STAU2: variants seen among roughly 807,000 people sequenced by gnomAD.
STAU2 encodes the protein staufen double-stranded RNA binding protein 2, also known as double-stranded RNA-binding protein Staufen homolog 2.
STAU2 carries 20 observed loss-of-function variants against 65.9 expected under a neutral mutation model. The ratio of observed to expected loss-of-function variants is 0.30; its 90% CI spans 0.21 to 0.44. The LOEUF (loss-of-function observed/expected upper bound fraction) is 0.44. Among genes scored for constraint, STAU2 ranks in the 20% least tolerant of loss-of-function variants. The pLI is 1.00. For synonymous variants in STAU2, 232 were observed against 233.9 expected (o/e 0.99, Z 0.07); for missense variants, 558 against 683.9 (o/e 0.82, Z 2.05).
intron 13 of STAU2, among the ~76,000 whole-genome samples, chr8:73,446,794 C>T (rs1818491541): frequency 6.6e-6 from 1 of 151,868 alleles, no homozygotes; most frequent in Non-Finnish European, 1.5e-5. Flanking sequence ...AAATTAATAA[C>T]TCTCATTGTA....
At chr8:73,676,699 G>A (rs1263059925) in intron 5 of STAU2, among the ~76,000 whole-genome samples, 3 of 152,156 alleles carry the variant, frequency 2.0e-5, no homozygotes, top group Admixed American at 6.5e-5. Context: ...AGGTTCAAGC[G>A]ATTCTCCTGC....
At chr8:73,450,364 G>C (rs766322017) in intron 13 of STAU2, among the ~76,000 whole-genome samples, 4 of 152,100 alleles carry the variant, frequency 2.6e-5, no homozygotes, top group Non-Finnish European at 5.9e-5. Context: ...TCTGTGAAGA[G>C]GTGCATAAGT....
At chr8:73,448,958 C>A (rs1016539704) in intron 13 of STAU2, among the ~76,000 whole-genome samples, 1 of 152,220 alleles carries the variant, frequency 6.6e-6, no homozygotes, top group Non-Finnish European at 1.5e-5. Flanking sequence ...GGCCTGCAGC[C>A]CGGCTGGGGC....
chr8:73,450,493 T>C (rs1818745625), intron 13 of STAU2, among the ~76,000 whole-genome samples: 1 of 152,154 alleles, frequency 6.6e-6, no homozygotes, highest in Non-Finnish European at 1.5e-5. Flanking sequence ...CATTTTACCC[T>C]CTAGTAATAA....
At chr8:73,531,155 G>A (rs1345711782) in intron 13 of STAU2, among the ~76,000 whole-genome samples, 2 of 152,214 alleles carry the variant, frequency 1.3e-5, no homozygotes, top group Non-Finnish European at 2.9e-5. Context: ...TGAGTGAGAT[G>A]AGGAGTGAAA....
chr8:73,721,928 C>T (rs1304879730), intron 3 of STAU2, among the ~76,000 whole-genome samples: 2 of 152,134 alleles, frequency 1.3e-5, no homozygotes, highest in Non-Finnish European at 2.9e-5. Flanking sequence ...TTGATTCTAT[C>T]ATCTTGCTAT....
chr8:73,561,819 A>G (rs1474828750), intron 12 of STAU2, among the ~76,000 whole-genome samples: 2 of 152,226 alleles, frequency 1.3e-5, no homozygotes, highest in Admixed American at 6.5e-5. Context: ...TGCTTTGCAT[A>G]TATTAGTTTA....
intron 11 of STAU2, among the ~76,000 whole-genome samples, chr8:73,594,939 T>C (rs1393228592): frequency 6.6e-6 from 1 of 152,216 alleles, no homozygotes; most frequent in Non-Finnish European, 1.5e-5. Context: ...ACATAAAATA[T>C]GTACAACCAT....
At chr8:73,433,037 C>T (rs1454090930) in intron 13 of STAU2, among the ~76,000 whole-genome samples, 2 of 152,164 alleles carry the variant, frequency 1.3e-5, no homozygotes, top group Non-Finnish European at 2.9e-5. Context: ...GGTGTAGCTG[C>T]TAGCCTTGAC....
At chr8:73,554,508 G>A (rs1807574254) in intron 12 of STAU2, among the ~76,000 whole-genome samples, 1 of 152,326 alleles carries the variant, frequency 6.6e-6, no homozygotes, top group Middle Eastern at 3.4e-3. Flanking sequence ...TGGGAGCTGG[G>A]GGTGGAGGGT....
rs1262442045 is a variant in STAU2, at chr8:73,606,782, A to G, written c.892-2919T>C. ...TTAAGATACACACACAAATATTCAT[A>G]GCTGCTTTATGAGTAACAATCAAAA... On this transcript the variant is annotated intron_variant, in intron 9 of 14. Coordinates refer to ENST00000524300, the MANE Select transcript of STAU2 (RefSeq NM_001164380.2). Among the ~76,000 whole-genome samples, 3 of 152,248 alleles carry G rather than the reference A, an allele frequency of 2.0e-5. No homozygotes were observed. In the East Asian group the frequency reaches 5.8e-4, roughly 29 times the overall value.
In STAU2 at chr8:73,654,683, C is replaced by T. The variant is rs1450126589; in HGVS notation, c.410+18424G>A. 1.6e-3 allele frequency among the ~76,000 whole-genome samples: 99 copies of T among 62,944 alleles called. 3 individuals carry two copies. Among genetic ancestry groups the T allele is most frequent in the Non-Finnish European group, 2.4e-3 (87 of 36,926 alleles). The allele number at this position is 62,944 out of a possible 152,430, so 41.3% of individuals were successfully genotyped here. On this transcript the variant is annotated intron_variant, in intron 6 of 14. Coordinates refer to ENST00000524300, the MANE Select transcript of STAU2 (RefSeq NM_001164380.2). ...AAAAGAACTCTTTTAATTATCAAAC[C>T]TTTTTTTTTTTTTTTTTTTTTGAGA...
intron 6 of STAU2, among the ~76,000 whole-genome samples, chr8:73,628,411 G>A (rs764785316): frequency 6.6e-6 from 1 of 152,120 alleles, no homozygotes; most frequent in Non-Finnish European, 1.5e-5. Context: ...AATACTGCAT[G>A]CTAGTAATCT....
At chr8:73,510,976 A>G (rs1320849681) in intron 13 of STAU2, among the ~76,000 whole-genome samples, 1 of 152,270 alleles carries the variant, frequency 6.6e-6, no homozygotes, top group Non-Finnish European at 1.5e-5. Context: ...TGGGAGCTGC[A>G]GAAGGTCAAC....
chr8:73,675,435 T>C (rs1367516804), intron 5 of STAU2: 3 of 151,100 alleles, frequency 2.0e-5, no homozygotes, highest in Non-Finnish European at 4.4e-5. Flanking sequence ...AAATACTTAT[T>C]ACTTACTATT....
intron 13 of STAU2, among the ~76,000 whole-genome samples, chr8:73,534,850 G>C (rs9643665): frequency 0.79 from 120,519 of 152,100 alleles, 48,688 homozygotes; most frequent in East Asian, 0.9. Context: ...CACTCTAAAT[G>C]CAATATGCTT....
intron 12 of STAU2, among the ~76,000 whole-genome samples, chr8:73,564,870 A>G (rs575140916): frequency 6.6e-6 from 1 of 152,224 alleles, no homozygotes; most frequent in Admixed American, 6.5e-5. Flanking sequence ...TATGCATATT[A>G]GGTTCACTGG....
chr8:73,551,007 G>C (rs1457779986), intron 13 of STAU2: 1 of 986,144 alleles, frequency 1.0e-6, no homozygotes, highest in Non-Finnish European at 1.2e-6. Context: ...ACAGTTTTTG[G>C]TCTTAAGGAA....
chr8:73,540,159 T>C (rs1376072396), intron 13 of STAU2, among the ~76,000 whole-genome samples: 2 of 152,218 alleles, frequency 1.3e-5, no homozygotes, highest in African/African-American at 2.4e-5. Context: ...AATAAAGTCT[T>C]TGCAGATGTA....
Sources: allele counts gnomAD v4.1 joint callset (sites outside exome capture counted in the v4.1 genomes callset), GRCh38; gene constraint gnomAD v4.1.1; transcripts MANE v1.5; gene names NCBI Gene and HGNC (gene_info 2026-07-23, HGNC 2026-07-21).